The following NALCN variants were observed in gnomAD, a reference collection of about 807,000 sequenced individuals.
NALCN encodes sodium leak channel NALCN.
Under a neutral mutation model 225.3 loss-of-function variants are expected in NALCN, and 111 were observed. That is an observed-to-expected ratio of 0.49 (90% CI 0.42 to 0.58). The LOEUF (loss-of-function observed/expected upper bound fraction) is 0.58. Ranked by LOEUF, NALCN falls within the 20% of genes least tolerant of loss-of-function variation. The pLI is 0.00. For missense variants in NALCN, 1,378 were observed against 2,202.4 expected, an observed-to-expected ratio of 0.63 and a Z score of 7.49; for synonymous variants, 764 against 769.0, an observed-to-expected ratio of 0.99 and a Z score of 0.11.
intron 15 of NALCN, among the ~76,000 whole-genome samples, chr13:101,148,180 C>T (rs2037454623): frequency 6.6e-6 from 1 of 152,152 alleles, no homozygotes; most frequent in African/African-American, 2.4e-5. Flanking sequence ...TAGAAATTTA[C>T]TCTCTCAGCA....
chr13:101,176,514 A>ATGTT, intron 14 of NALCN, 140 bp from the exon 15 acceptor site: 1 of 447,282 alleles, frequency 2.2e-6, no homozygotes, highest in Non-Finnish European at 3.7e-6. Context: ...GAATCATTGC[A>ATGTT]TAGGCATTTC....
At chr13:101,410,081 T>G (rs1051792821) in intron 1 of NALCN, among the ~76,000 whole-genome samples, 8 of 152,176 alleles carry the variant, frequency 5.3e-5, no homozygotes, top group Non-Finnish European at 1.0e-4. Context: ...GATCTTGGAC[T>G]TCTTAGTCTC....
At chr13:101,411,619 A>G (rs2047789613) in intron 1 of NALCN, among the ~76,000 whole-genome samples, 1 of 152,176 alleles carries the variant, frequency 6.6e-6, no homozygotes, top group Non-Finnish European at 1.5e-5. Flanking sequence ...AAGTGCTGGG[A>G]TTACAGGCGT....
At chr13:101,257,206 ATTG>A (rs2042262022) in intron 11 of NALCN, among the ~76,000 whole-genome samples, 1 of 81,102 alleles carries the variant, frequency 1.2e-5, no homozygotes, top group African/African-American at 4.0e-5. Context: ...CTTATTGTTT[ATTG>A]TTTTTTTTTT....
rs184247869 is a variant in NALCN at position 101,285,188 on chromosome 13, T to C, written c.1048-1169A>G. 2.9e-4 allele frequency among the ~76,000 whole-genome samples: 44 copies of C among 152,336 alleles called. No homozygotes were observed. The East Asian group carries it at 8.5e-3, about 29-fold the overall frequency. Reference sequence around the variant, plus strand: ...ATTTGTAATTAGAGTTTCAAATCCCTGGTAGTAGTGGTGGTAGATCCTTTG... The same window carrying C: ...ATTTGTAATTAGAGTTTCAAATCCCCGGTAGTAGTGGTGGTAGATCCTTTG... On this transcript the variant is annotated intron_variant, in intron 9 of 43. Coordinates refer to ENST00000251127, the MANE Select transcript of NALCN (RefSeq NM_052867.4).
At chr13:101,349,109 A>G (rs1379637701) in intron 6 of NALCN, among the ~76,000 whole-genome samples, 2 of 152,178 alleles carry the variant, frequency 1.3e-5, no homozygotes, top group African/African-American at 4.8e-5. Flanking sequence ...TGATTCTTTC[A>G]GTGGTAATAA....
At chr13:101,376,160 T>G (rs1338040) in intron 6 of NALCN, among the ~76,000 whole-genome samples, 15,774 of 152,184 alleles carry the variant, frequency 0.1, 1,253 homozygotes, top group East Asian at 0.35. Context: ...TGAGCTTTTT[T>G]TCCCGAACAT....
chr13:101,165,006 G>C (rs527368623), intron 15 of NALCN, among the ~76,000 whole-genome samples: 14 of 152,264 alleles, frequency 9.2e-5, no homozygotes, highest in Admixed American at 5.9e-4. Flanking sequence ...TGATTTATAG[G>C]TTCTTCAGGG....
At chr13:101,360,744 T>A (rs1412727198) in intron 6 of NALCN, among the ~76,000 whole-genome samples, 2 of 152,166 alleles carry the variant, frequency 1.3e-5, no homozygotes, top group African/African-American at 4.8e-5. Context: ...GAGATGGTTG[T>A]CCGTCCCAGA....
chr13:101,137,272 T>C (rs553737438), intron 17 of NALCN, among the ~76,000 whole-genome samples: 2 of 152,266 alleles, frequency 1.3e-5, no homozygotes, highest in African/African-American at 4.8e-5. Flanking sequence ...TCTTGAATGG[T>C]ACTGCAGAGA....
At chr13:101,371,321 T>C (rs898013483) in intron 6 of NALCN, among the ~76,000 whole-genome samples, 1 of 152,078 alleles carries the variant, frequency 6.6e-6, no homozygotes, top group Non-Finnish European at 1.5e-5. Flanking sequence ...TTTCTTTCTT[T>C]CATTTTTACT....
At chr13:101,144,984 ATAAG>A in intron 15 of NALCN, 88 bp from the exon 16 acceptor site, 2 of 1,392,470 alleles carry the variant, frequency 1.4e-6, no homozygotes, top group African/African-American at 1.5e-5. Flanking sequence ...AATGGAAGCA[ATAAG>A]TAATTACATG....
At chr13:101,277,698 T>A (rs762019501) in intron 10 of NALCN, among the ~76,000 whole-genome samples, 1 of 152,266 alleles carries the variant, frequency 6.6e-6, no homozygotes, top group Non-Finnish European at 1.5e-5. Context: ...TATACATTTA[T>A]ATATTTATGA....
chr13:101,393,383 A>T (rs3918321), intron 3 of NALCN, among the ~76,000 whole-genome samples: 36,489 of 152,132 alleles, frequency 0.24, 5,311 homozygotes, highest in East Asian at 0.44. Flanking sequence ...TCAGAGGACA[A>T]GGAGTACACA....
chr13:101,076,552 G>A (rs754474463), intron 34 of NALCN, among the ~76,000 whole-genome samples: 10 of 152,196 alleles, frequency 6.6e-5, no homozygotes, highest in Non-Finnish European at 1.2e-4. Flanking sequence ...ACATTCAGCC[G>A]ATGCCAGAGT....
intron 11 of NALCN, among the ~76,000 whole-genome samples, chr13:101,255,661 A>G (rs1410808622): frequency 6.6e-6 from 1 of 152,008 alleles, no homozygotes; most frequent in East Asian, 1.9e-4. Flanking sequence ...CGATCTTCCC[A>G]CTTCTCCCTC....
At chr13:101,055,561 G>A in intron 43 of NALCN, 73 bp from the exon 44 acceptor site, 1 of 1,320,798 alleles carries the variant, frequency 7.6e-7, no homozygotes, top group Non-Finnish European at 1.1e-6. Flanking sequence ...AAAAACCCAT[G>A]ATATTCCCAT....
At chr13:101,219,195 T>C (rs2140102738) in intron 13 of NALCN, among the ~76,000 whole-genome samples, 1 of 152,318 alleles carries the variant, frequency 6.6e-6, no homozygotes, top group Non-Finnish European at 1.5e-5. Context: ...CTACCTGATC[T>C]CTTGAATTTT....
intron 7 of NALCN, among the ~76,000 whole-genome samples, chr13:101,319,008 T>C (rs2044653133): frequency 1.3e-5 from 2 of 152,200 alleles, no homozygotes; most frequent in South Asian, 4.1e-4. Flanking sequence ...GATGTTGTTA[T>C]GAGTTGAATG....
Sources: allele counts gnomAD v4.1 joint callset (sites outside exome capture counted in the v4.1 genomes callset), GRCh38; gene constraint gnomAD v4.1.1; transcripts MANE v1.5; gene names NCBI Gene and HGNC (gene_info 2026-07-23, HGNC 2026-07-21).